The following NRXN3 variants were observed in gnomAD, a reference collection of about 807,000 sequenced individuals.
NRXN3 encodes neurexin 3.
A neutral mutation model predicts 137.6 loss-of-function variants in NRXN3; 32 were observed. The ratio of observed to expected loss-of-function variants is 0.23; its 90% CI spans 0.18 to 0.31. The LOEUF (loss-of-function observed/expected upper bound fraction) is 0.31, where lower values mean the gene tolerates loss of function less well. NRXN3 is among the 10% of genes least tolerant of loss of function. NRXN3 has a pLI of 1.00. For synonymous variants in NRXN3, 798 were observed against 784.5 expected, an observed-to-expected ratio of 1.02 and a Z score of -0.29; for missense variants, 1,574 against 2,062.5, an observed-to-expected ratio of 0.76 and a Z score of 4.59.
At chr14:78,495,838 G>A (rs1393580352) in intron 4 of NRXN3, among the ~76,000 whole-genome samples, 5 of 152,188 alleles carry the variant, frequency 3.3e-5, no homozygotes, top group African/African-American at 1.2e-4. Flanking sequence ...GCCCCCATCA[G>A]TCTGAACAGA....
At chr14:79,444,503 G>T (rs1008599285) in intron 15 of NRXN3, among the ~76,000 whole-genome samples, 1 of 152,154 alleles carries the variant, frequency 6.6e-6, no homozygotes, top group South Asian at 2.1e-4. Context: ...AGCCACTACC[G>T]TCCTTTCCAG....
intron 20 of NRXN3, among the ~76,000 whole-genome samples, chr14:79,818,114 C>T (rs1483254023): frequency 1.6e-5 from 2 of 128,788 alleles, no homozygotes; most frequent in Admixed American, 9.7e-5. Context: ...AGTGCAGTGG[C>T]GCGATCTCGG....
intron 4 of NRXN3, among the ~76,000 whole-genome samples, chr14:78,466,010 C>A (rs540139847): frequency 6.6e-6 from 1 of 151,418 alleles, no homozygotes; most frequent in African/African-American, 2.4e-5. Flanking sequence ...CACCACCACG[C>A]CCGGCTAATT....
At chr14:79,095,694 G>A (rs936102043) in intron 15 of NRXN3, among the ~76,000 whole-genome samples, 4 of 152,018 alleles carry the variant, frequency 2.6e-5, no homozygotes, top group Non-Finnish European at 5.9e-5. Context: ...TCTCCATACT[G>A]ATATTCTCAA....
intron 4 of NRXN3, among the ~76,000 whole-genome samples, chr14:78,483,940 G>A (rs745684923): frequency 1.4e-5 from 2 of 145,758 alleles, no homozygotes; most frequent in East Asian, 4.2e-4. Flanking sequence ...TTTGAAGAAG[G>A]GCAAGCCATT....
intron 1 of NRXN3, among the ~76,000 whole-genome samples, chr14:78,206,967 A>C (rs1270055336): frequency 6.6e-6 from 1 of 151,892 alleles, no homozygotes; most frequent in African/African-American, 2.4e-5. Flanking sequence ...GGGTTCAAGC[A>C]ATTCTCCTGC....
intron 4 of NRXN3, among the ~76,000 whole-genome samples, chr14:78,576,530 G>A (rs189441960): frequency 1.8e-4 from 27 of 152,084 alleles, no homozygotes; most frequent in Middle Eastern, 3.4e-3. Context: ...GCTGGCGCTG[G>A]GATGACTCAG....
At chr14:79,756,003 T>A (rs1350289381) in intron 19 of NRXN3, among the ~76,000 whole-genome samples, 1 of 152,174 alleles carries the variant, frequency 6.6e-6, no homozygotes, top group Non-Finnish European at 1.5e-5. Flanking sequence ...CTTTCTGGCT[T>A]CTACCTCCAG....
At chr14:78,340,550 G>A (rs1387157612) in intron 4 of NRXN3, among the ~76,000 whole-genome samples, 2 of 151,974 alleles carry the variant, frequency 1.3e-5, no homozygotes, top group East Asian at 3.9e-4. Context: ...ACACATCCAG[G>A]GCCTTAGTGT....
chr14:79,780,290 CTTTATTA>C (rs1189865076), intron 19 of NRXN3, among the ~76,000 whole-genome samples: 2 of 151,902 alleles, frequency 1.3e-5, no homozygotes, highest in African/African-American at 4.8e-5. Flanking sequence ...AAATTTATGT[CTTTATTA>C]TTTATTATAA....
intron 15 of NRXN3, among the ~76,000 whole-genome samples, chr14:79,041,753 C>T (rs926106293): frequency 1.3e-5 from 2 of 152,146 alleles, no homozygotes; most frequent in African/African-American, 4.8e-5. Context: ...AAGAGTGAGT[C>T]ACTTCATCAA....
chr14:78,868,978 C>T (rs1216927842), intron 10 of NRXN3, among the ~76,000 whole-genome samples: 5 of 152,064 alleles, frequency 3.3e-5, no homozygotes, highest in Admixed American at 6.5e-5. Flanking sequence ...CTGTAGGTCC[C>T]GCTTGGCATG....
intron 15 of NRXN3, among the ~76,000 whole-genome samples, chr14:79,333,996 C>T (rs1273383538): frequency 6.6e-6 from 1 of 151,938 alleles, no homozygotes; most frequent in East Asian, 1.9e-4. Context: ...AGTTCTAGGT[C>T]CCCACTGAAA....
chr14:79,723,709 A>G (rs140198812), intron 19 of NRXN3, among the ~76,000 whole-genome samples: 18 of 152,242 alleles, frequency 1.2e-4, no homozygotes, highest in Non-Finnish European at 2.1e-4. Flanking sequence ...ATAAATTGCC[A>G]TCTCCAAAAT....
intron 15 of NRXN3, among the ~76,000 whole-genome samples, chr14:79,204,071 A>G (rs775767102): frequency 1.4e-4 from 21 of 152,106 alleles, no homozygotes; most frequent in Non-Finnish European, 2.5e-4. Context: ...CAGTGCCAAC[A>G]TCCCCCTGTG....
rs201601452 is a variant in NRXN3, at chr14:78,780,442, AT to A, written c.2045-23177del. 5.4e-3 allele frequency among the ~76,000 whole-genome samples: 823 copies of A among 152,312 alleles called. 6 individuals are homozygous for A. Among genetic ancestry groups the A allele is most frequent in the African/African-American group, 0.019 (793 of 41,576 alleles). ...GAAAAAAGCATAGATCATTAAAAAA[AT>A]ATTGATATATTTGATTACAATTATT... is the stretch of plus-strand genomic sequence containing the variant. On this transcript the variant is annotated intron_variant, in intron 8 of 20. Coordinates refer to ENST00000335750, the MANE Select transcript of NRXN3 (RefSeq NM_001330195.2).
intron 16 of NRXN3, among the ~76,000 whole-genome samples, chr14:79,609,469 A>T (rs747789162): frequency 6.6e-6 from 1 of 152,206 alleles, no homozygotes; most frequent in Non-Finnish European, 1.5e-5. Flanking sequence ...GCAGAGTAAG[A>T]GGAATAATAA....
chr14:79,632,045 C>A (rs1462050139), intron 16 of NRXN3, among the ~76,000 whole-genome samples: 1 of 152,104 alleles, frequency 6.6e-6, no homozygotes, highest in Non-Finnish European at 1.5e-5. Context: ...GGTGGGTCTC[C>A]TTCCACACTG....
intron 15 of NRXN3, among the ~76,000 whole-genome samples, chr14:79,457,246 G>A (rs1444715985): frequency 6.6e-6 from 1 of 152,150 alleles, no homozygotes; most frequent in East Asian, 1.9e-4. Flanking sequence ...GACAGAGGAT[G>A]TGCTGCGCCG....
Sources: gnomAD v4.1 joint callset for allele counts (sites outside exome capture counted in the v4.1 genomes callset) on GRCh38, gnomAD v4.1.1 for gene constraint, MANE v1.5 for transcripts, NCBI Gene and HGNC (gene_info 2026-07-23, HGNC 2026-07-21) for gene names.